The following ARFGAP3 variants were observed in gnomAD, a reference collection of about 807,000 sequenced individuals.
ARFGAP3 encodes ARF GTPase activating protein 3, also known as ADP-ribosylation factor GTPase-activating protein 3.
In ARFGAP3, 72 loss-of-function variants were observed where a neutral mutation model predicts 75.0. That is an observed-to-expected ratio of 0.96 (90% confidence interval 0.79 to 1.17). The LOEUF (loss-of-function observed/expected upper bound fraction) is 1.17, where lower values mean the gene tolerates loss of function less well. ARFGAP3 is among the 50% of genes most tolerant of loss of function. The pLI, the probability that ARFGAP3 is intolerant of heterozygous loss-of-function variation, is 0.00. For missense variants in ARFGAP3, 620 were observed against 626.6 expected, an observed-to-expected ratio of 0.99 and a Z score of 0.11; for synonymous variants, 221 against 217.9, an observed-to-expected ratio of 1.01 and a Z score of -0.13.
chr22:42,798,129 G>C (rs1052084727), intron 15 of ARFGAP3, among the ~76,000 whole-genome samples: 5 of 152,238 alleles, frequency 3.3e-5, no homozygotes, highest in Admixed American at 2.6e-4. Flanking sequence ...TTTGGACACT[G>C]ATGTGGGCTT....
At chr22:42,834,176 A>T in intron 5 of ARFGAP3, 66 bp downstream of exon 5, 18 of 1,454,634 alleles carry the variant, frequency 1.2e-5, no homozygotes, top group Non-Finnish European at 1.6e-5. Context: ...TAACATTTTA[A>T]ATATGCACCT....
intron 2 of ARFGAP3, among the ~76,000 whole-genome samples, chr22:42,846,129 AAT>A (rs992610040): frequency 2.0e-5 from 3 of 152,166 alleles, no homozygotes; most frequent in African/African-American, 7.2e-5. Context: ...ACGTTCTATC[AAT>A]ATTTCGATAT....
At chr22:42,850,571 CA>C (rs57841993) in intron 1 of ARFGAP3, among the ~76,000 whole-genome samples, 8,881 of 57,134 alleles carry the variant, frequency 0.16, 308 homozygotes, top group East Asian at 0.42. Context: ...ACCCTGCTAT[CA>C]AAAAAAAAAA....
intron 5 of ARFGAP3, 116 bp downstream of exon 5, chr22:42,834,126 T>C: frequency 2.2e-6 from 2 of 923,096 alleles, no homozygotes; most frequent in Non-Finnish European, 3.3e-6. Context: ...TCAGTAGTTA[T>C]GTTTCAGCAC....
chr22:42,846,645 G>A (rs965562794), intron 2 of ARFGAP3, among the ~76,000 whole-genome samples: 1 of 152,226 alleles, frequency 6.6e-6, no homozygotes, highest in African/African-American at 2.4e-5. Flanking sequence ...CTCAGGCTTT[G>A]TGATATTAGT....
intron 5 of ARFGAP3, among the ~76,000 whole-genome samples, chr22:42,831,908 G>A (rs1291481693): frequency 1.3e-5 from 2 of 152,038 alleles, no homozygotes; most frequent in African/African-American, 2.4e-5. Context: ...TCAGCCTCCT[G>A]AGTAGCTGAG....
intron 15 of ARFGAP3, among the ~76,000 whole-genome samples, chr22:42,798,527 T>C (rs531947973): frequency 1.7e-4 from 26 of 152,178 alleles, no homozygotes; most frequent in Middle Eastern, 3.4e-3. Flanking sequence ...TTTCACTCAA[T>C]AGAATGTGGT....
At chr22:42,850,571 CAAAAA>C (rs57841993) in intron 1 of ARFGAP3, among the ~76,000 whole-genome samples, 8 of 57,590 alleles carry the variant, frequency 1.4e-4, no homozygotes, top group East Asian at 6.2e-4. Flanking sequence ...ACCCTGCTAT[CAAAAA>C]AAAAAAAAAA....
intron 3 of ARFGAP3, among the ~76,000 whole-genome samples, chr22:42,840,357 C>T (rs537350218): frequency 1.3e-5 from 2 of 152,294 alleles, no homozygotes; most frequent in East Asian, 3.9e-4. Context: ...CAAAACCCAT[C>T]AGGCTCTCTG....
At chr22:42,807,285 T>C (rs1229630261) in intron 13 of ARFGAP3, 122 bp from the exon 14 acceptor site, 16 of 1,451,222 alleles carry the variant, frequency 1.1e-5, no homozygotes, top group Non-Finnish European at 1.2e-5. Flanking sequence ...TTTCCAACAG[T>C]TACTGAATGC....
chr22:42,854,185 A>G (rs1374651696), intron 1 of ARFGAP3, among the ~76,000 whole-genome samples: 1 of 152,218 alleles, frequency 6.6e-6, no homozygotes, highest in East Asian at 1.9e-4. Flanking sequence ...GAGGACAGGA[A>G]CATACCATCA....
Position 42,801,171 on chromosome 22 carries a change from T to A in ARFGAP3, c.1412-2011A>T, listed in dbSNP as rs887856111. ...CAGTGGGGATCAGGAGGGAACGGGC[T>A]GAGCGTCCTCAGGAGGCAGGTGTCA... On this transcript the variant is annotated intron_variant, in intron 14 of 15. Transcript: ENST00000263245. Among the ~76,000 whole-genome samples the A allele has an allele frequency of 2.0e-5, 3 of 152,186 alleles. No individual in the cohort carries two copies. The South Asian group carries it at 6.2e-4, about 31-fold the overall frequency.
chr22:42,828,223 T>C (rs9607958), intron 6 of ARFGAP3, among the ~76,000 whole-genome samples: 7,333 of 129,598 alleles, frequency 0.057, 285 homozygotes, highest in African/African-American at 0.13. Flanking sequence ...GAGTTCAAGA[T>C]CAGCCTGGCC....
At chr22:42,797,831 C>G (rs2062542649) in intron 15 of ARFGAP3, 1 of 764,134 alleles carries the variant, frequency 1.3e-6, no homozygotes, top group African/African-American at 1.9e-5. Context: ...CATCCTGCCT[C>G]TGGCATCCAC....
chr22:42,817,396 CA>C, intron 10 of ARFGAP3, 132 bp from the exon 11 acceptor site: 1 of 1,294,528 alleles, frequency 7.7e-7, no homozygotes, highest in Non-Finnish European at 1.0e-6. Context: ...AGCAATAAAA[CA>C]ATTTTTTTTT....
At chr22:42,807,012 A>G (rs1925152709) in intron 14 of ARFGAP3, 61 bp downstream of exon 14, 1 of 1,469,266 alleles carries the variant, frequency 6.8e-7, no homozygotes, top group Non-Finnish European at 9.2e-7. Flanking sequence ...AGTCCTATCC[A>G]GATGAAATGT....
chr22:42,830,779 G>A (rs1926250025), intron 6 of ARFGAP3, among the ~76,000 whole-genome samples: 1 of 152,122 alleles, frequency 6.6e-6, no homozygotes, highest in Admixed American at 6.6e-5. Context: ...TGTTTTTGAT[G>A]ATAAAAGTAA....
At position 42,822,390 on chromosome 22, in the gene ARFGAP3, CT is replaced by C; in HGVS notation, c.691del (p.Ser231ValfsTer25). 6.2e-7 allele frequency: 1 copy of C among 1,614,090 alleles called. No homozygotes were observed. Among genetic ancestry groups the C allele is most frequent in the South Asian group, 1.1e-5 (1 of 91,072 alleles). Reference protein sequence around the residue: ...AKKGLGAKKGSLGAQKLANTC... With the variant: ...AKKGLGAKKGXLGAQKLANTC... ...GTTTGCCAGTTTCTGAGCTCCCAAA[CT>C]TCCTTTTTTGGCCCCAAGCTAGAAC... On this transcript the variant is annotated frameshift_variant, in exon 9 of 16. Transcript: ENST00000263245. LOFTEE classifies it high-confidence loss of function.
chr22:42,855,415 GT>G (rs1326889916), intron 1 of ARFGAP3, among the ~76,000 whole-genome samples: 2 of 152,186 alleles, frequency 1.3e-5, no homozygotes, highest in African/African-American at 4.8e-5. Flanking sequence ...GCTGGGCGCG[GT>G]GGCTCACGCC....
Sources: gnomAD v4.1 joint callset for allele counts (sites outside exome capture counted in the v4.1 genomes callset) on GRCh38, gnomAD v4.1.1 for gene constraint, MANE v1.5 for transcripts, NCBI Gene and HGNC (gene_info 2026-07-23, HGNC 2026-07-21) for gene names.